Variants in LIN7A observed in about 807,000 individuals in gnomAD.
The protein encoded by LIN7A is lin-7 cell polarity scaffold A.
LIN7A carries 25 observed loss-of-function variants against 29.8 expected under a neutral mutation model. The observed-to-expected ratio is 0.84, with a 90% CI of 0.61 to 1.17. LIN7A has a LOEUF of 1.17. Among genes scored for constraint, LIN7A ranks in the 50% most tolerant of loss-of-function variants. LIN7A has a pLI of 0.00. For missense variants in LIN7A, 239 were observed against 287.0 expected (o/e 0.83, Z 1.21); for synonymous variants, 118 against 107.5 (o/e 1.10, Z -0.60).
intron 5 of LIN7A, among the ~76,000 whole-genome samples, chr12:80,799,070 C>T (rs915483014): frequency 6.6e-6 from 1 of 152,094 alleles, no homozygotes; most frequent in African/African-American, 2.4e-5. Context: ...GATAATATAA[C>T]TACATGTCCT....
intron 1 of LIN7A, chr12:80,936,938 CCGGGAGCTGCCGGCGG>C (rs1592966066): frequency 6.6e-6 from 1 of 152,176 alleles, no homozygotes. Flanking sequence ...TTGCTATCGA[CCGGGAGCTGCCGGCGG>C]CGGGAGCAGA....
intron 2 of LIN7A, among the ~76,000 whole-genome samples, chr12:80,885,910 G>T (rs1265562176): frequency 1.3e-5 from 2 of 152,068 alleles, no homozygotes; most frequent in East Asian, 3.8e-4. Context: ...AATAACTACT[G>T]TTACACTTAT....
intron 1 of LIN7A, among the ~76,000 whole-genome samples, chr12:80,930,047 G>T (rs942264152): frequency 1.3e-5 from 2 of 151,910 alleles, no homozygotes; most frequent in African/African-American, 4.8e-5. Context: ...TTAGTTAAAG[G>T]TAATCCTTTG....
At chr12:80,928,987 T>C (rs1877748078) in intron 1 of LIN7A, among the ~76,000 whole-genome samples, 1 of 152,206 alleles carries the variant, frequency 6.6e-6, no homozygotes, top group Admixed American at 6.5e-5. Flanking sequence ...GCTGTATTAG[T>C]GTTTTTCTAC....
intron 2 of LIN7A, among the ~76,000 whole-genome samples, chr12:80,875,648 T>C (rs1311036207): frequency 6.6e-6 from 1 of 152,212 alleles, no homozygotes; most frequent in Non-Finnish European, 1.5e-5. Flanking sequence ...ATACAAGATT[T>C]ATGAAAATCA....
intron 5 of LIN7A, among the ~76,000 whole-genome samples, chr12:80,809,264 C>A (rs543148936): frequency 2.8e-4 from 42 of 152,300 alleles, no homozygotes; most frequent in Non-Finnish European, 5.7e-4. Flanking sequence ...CTGCTCCCAG[C>A]CTGTAGCTTC....
intron 1 of LIN7A, among the ~76,000 whole-genome samples, chr12:80,904,408 T>C (rs555678348): frequency 3.9e-5 from 6 of 152,304 alleles, no homozygotes; most frequent in African/African-American, 1.4e-4. Context: ...TTAAACTTAT[T>C]TTTTCTATCT....
intron 2 of LIN7A, among the ~76,000 whole-genome samples, chr12:80,881,117 T>C (rs750083555): frequency 6.6e-6 from 1 of 151,080 alleles, no homozygotes; most frequent in Non-Finnish European, 1.5e-5. Context: ...ATATAAGTTT[T>C]GGTAAATTTC....
intron 1 of LIN7A, among the ~76,000 whole-genome samples, chr12:80,905,891 T>C (rs927416494): frequency 1.3e-5 from 2 of 152,158 alleles, no homozygotes; most frequent in African/African-American, 4.8e-5. Flanking sequence ...AGCTTATTAT[T>C]TTCTTGGTTG....
intron 2 of LIN7A, among the ~76,000 whole-genome samples, chr12:80,856,359 G>T (rs1190671848): frequency 1.3e-5 from 2 of 152,134 alleles, no homozygotes; most frequent in Non-Finnish European, 2.9e-5. Flanking sequence ...TATAAAAGAG[G>T]GCTCCACCAT....
intron 2 of LIN7A, among the ~76,000 whole-genome samples, chr12:80,872,315 A>T (rs1874464406): frequency 1.3e-5 from 2 of 152,126 alleles, no homozygotes; most frequent in Non-Finnish European, 2.9e-5. Flanking sequence ...AGCTATAATG[A>T]TGAGCCAAAA....
At chr12:80,929,723 G>A (rs983904907) in intron 1 of LIN7A, among the ~76,000 whole-genome samples, 1 of 151,686 alleles carries the variant, frequency 6.6e-6, no homozygotes, top group African/African-American at 2.4e-5. Flanking sequence ...ATATATATAT[G>A]TACACACACA....
chr12:80,853,733 G>GT (rs1481393241), intron 2 of LIN7A, among the ~76,000 whole-genome samples: 1 of 151,752 alleles, frequency 6.6e-6, no homozygotes, highest in Non-Finnish European at 1.5e-5. Flanking sequence ...GTCTCACTCT[G>GT]TCACCCAGGC....
At chr12:80,867,497 G>C (rs1178100827) in intron 2 of LIN7A, among the ~76,000 whole-genome samples, 1 of 152,226 alleles carries the variant, frequency 6.6e-6, no homozygotes, top group Non-Finnish European at 1.5e-5. Flanking sequence ...CAGTTAGAGA[G>C]AGGTGAAAGA....
chr12:80,860,728 C>A (rs895177851), intron 2 of LIN7A, among the ~76,000 whole-genome samples: 1 of 152,188 alleles, frequency 6.6e-6, no homozygotes, highest in Admixed American at 6.5e-5. Context: ...AGTTTTCAGG[C>A]GTTCATGCCT....
intron 5 of LIN7A, among the ~76,000 whole-genome samples, chr12:80,809,433 G>A (rs961819089): frequency 6.6e-6 from 1 of 152,136 alleles, no homozygotes; most frequent in Admixed American, 6.5e-5. Context: ...CACATTCACA[G>A]ACATCATAGT....
At chr12:80,837,806 C>T (rs1464336688) in intron 4 of LIN7A, among the ~76,000 whole-genome samples, 4 of 152,014 alleles carry the variant, frequency 2.6e-5, no homozygotes, top group African/African-American at 9.7e-5. Context: ...GGATATGTTA[C>T]ATTTATATGT....
At chr12:80,883,372 A>C (rs1875166233) in intron 2 of LIN7A, among the ~76,000 whole-genome samples, 1 of 152,216 alleles carries the variant, frequency 6.6e-6, no homozygotes, top group African/African-American at 2.4e-5. Context: ...ATTAATTTGA[A>C]AAGCATCAAG....
intron 1 of LIN7A, among the ~76,000 whole-genome samples, chr12:80,931,587 G>A (rs922599265): frequency 2.0e-5 from 3 of 148,656 alleles, no homozygotes; most frequent in African/African-American, 7.5e-5. Flanking sequence ...GCAGTGAGCC[G>A]AGATCACACC....
Sources: gnomAD v4.1 joint callset for allele counts (sites outside exome capture counted in the v4.1 genomes callset) on GRCh38, gnomAD v4.1.1 for gene constraint, MANE v1.5 for transcripts, NCBI Gene and HGNC (gene_info 2026-07-23, HGNC 2026-07-21) for gene names.